Variants in INVS observed in about 807,000 individuals in gnomAD.
INVS encodes the protein inversin, also known as inversion of embryo turning homolog.
Under a neutral mutation model 108.8 loss-of-function variants are expected in INVS, and 86 were observed. The ratio of observed to expected loss-of-function variants is 0.79; its 90% CI spans 0.66 to 0.95. The LOEUF (loss-of-function observed/expected upper bound fraction) is 0.95. INVS is among the 40% of genes least tolerant of loss of function. INVS has a pLI of 0.00. For missense variants in INVS, 1,169 were observed against 1,297.4 expected, an observed-to-expected ratio of 0.90 and a Z score of 1.52; for synonymous variants, 455 against 473.5, an observed-to-expected ratio of 0.96 and a Z score of 0.51.
intron 7 of INVS, among the ~76,000 whole-genome samples, chr9:100,245,148 C>G (rs1259611086): frequency 6.6e-6 from 1 of 152,144 alleles, no homozygotes; most frequent in Non-Finnish European, 1.5e-5. Context: ...TTTCTATGAT[C>G]TTTCTAAAGT....
At chr9:100,267,369 T>C (rs1249833464) in intron 11 of INVS, among the ~76,000 whole-genome samples, 2 of 152,248 alleles carry the variant, frequency 1.3e-5, no homozygotes, top group African/African-American at 4.8e-5. Context: ...ATCAGCAATG[T>C]ACCTTGATGT....
intron 10 of INVS, among the ~76,000 whole-genome samples, chr9:100,262,430 C>T (rs762782118): frequency 5.9e-5 from 9 of 151,766 alleles, no homozygotes; most frequent in Non-Finnish European, 1.2e-4. Flanking sequence ...ATTTTTCTTT[C>T]AGCTTGGTAA....
chr9:100,186,303 C>T (rs769992067), intron 3 of INVS, among the ~76,000 whole-genome samples: 4 of 152,136 alleles, frequency 2.6e-5, no homozygotes, highest in Non-Finnish European at 4.4e-5. Flanking sequence ...GCACCCACCA[C>T]CACGCCTGGC....
intron 6 of INVS, 97 bp downstream of exon 6, chr9:100,240,337 A>G (rs1213400852): frequency 1.2e-6 from 1 of 845,184 alleles, no homozygotes; most frequent in Non-Finnish European, 2.0e-6. Context: ...CTCCTAGTTA[A>G]TTATTTTGAT....
chr9:100,276,537 GTC>G (rs1833119268), intron 12 of INVS, among the ~76,000 whole-genome samples: 1 of 152,004 alleles, frequency 6.6e-6, no homozygotes, highest in Admixed American at 6.6e-5. Context: ...TTGAGACAGA[GTC>G]TTTCTGTCAT....
intron 3 of INVS, among the ~76,000 whole-genome samples, chr9:100,173,162 T>C (rs1401946336): frequency 1.3e-5 from 2 of 152,186 alleles, no homozygotes; most frequent in African/African-American, 4.8e-5. Context: ...GTAGCTCCTA[T>C]TGGATCAGCC....
At chr9:100,291,461 TGA>T (rs148249754) in intron 13 of INVS, among the ~76,000 whole-genome samples, 2,068 of 152,332 alleles carry the variant, frequency 0.014, 33 homozygotes, top group African/African-American at 0.048. Context: ...GCTAACGTTT[TGA>T]GAGATCTGAT....
At chr9:100,127,798 A>G (rs537522333) in intron 3 of INVS, among the ~76,000 whole-genome samples, 26 of 152,246 alleles carry the variant, frequency 1.7e-4, no homozygotes, top group Non-Finnish European at 3.4e-4. Flanking sequence ...TAATTTTTTT[A>G]AAAATCTCCC....
intron 14 of INVS, among the ~76,000 whole-genome samples, chr9:100,296,243 T>G (rs758342274): frequency 5.9e-5 from 9 of 152,206 alleles, no homozygotes; most frequent in Non-Finnish European, 1.3e-4. Context: ...AAATAGTTGT[T>G]GTGCTCAGTA....
intron 13 of INVS, among the ~76,000 whole-genome samples, chr9:100,289,071 T>TTCCTTCATTTTATTTGTTTTC (rs1385529472): frequency 6.6e-6 from 1 of 152,200 alleles, no homozygotes; most frequent in Non-Finnish European, 1.5e-5. Flanking sequence ...GGAGCAGTTT[T>TTCCTTCATTTTATTTGTTTTC]TCCTTCATTT....
intron 3 of INVS, among the ~76,000 whole-genome samples, chr9:100,222,100 A>G (rs887033491): frequency 6.6e-6 from 1 of 152,174 alleles, no homozygotes; most frequent in African/African-American, 2.4e-5. Context: ...TCACTAGCTG[A>G]ACTGTGTATA....
chr9:100,106,545 A>G (rs769545942), intron 2 of INVS, among the ~76,000 whole-genome samples: 2 of 152,192 alleles, frequency 1.3e-5, no homozygotes, highest in African/African-American at 4.8e-5. Flanking sequence ...AGTATATTTC[A>G]TTCTCATAAT....
At chr9:100,117,920 T>C (rs563025044) in intron 2 of INVS, among the ~76,000 whole-genome samples, 117 of 152,186 alleles carry the variant, frequency 7.7e-4, no homozygotes, top group African/African-American at 2.5e-3. Flanking sequence ...CTCTTTTTCA[T>C]GTGAGGATAT....
At chr9:100,231,198 C>T (rs1190235847) in intron 5 of INVS, among the ~76,000 whole-genome samples, 1 of 152,104 alleles carries the variant, frequency 6.6e-6, no homozygotes, top group Non-Finnish European at 1.5e-5. Context: ...TTGTTTTTAA[C>T]ACACAAATTA....
chr9:100,261,486 C>T (rs1303080284), intron 10 of INVS, among the ~76,000 whole-genome samples: 1 of 151,988 alleles, frequency 6.6e-6, no homozygotes, highest in African/African-American at 2.4e-5. Flanking sequence ...CCAGGATGGT[C>T]TCGATCTCCT....
At position 100,187,525 on chromosome 9, in the gene INVS, CT is replaced by C. The variant is rs34728274; in HGVS notation, c.274-38518del. The stretch of plus-strand genomic sequence containing the variant: ...CATTTGTTTGTATCATCTATGATTT[CT>C]TTTTTTTTTTTTTTTTTTGAGACAA... On this transcript the variant is annotated intron_variant, in intron 3 of 16. Transcript: ENST00000262457. Among the ~76,000 whole-genome samples, 708 of 105,538 alleles carry C rather than the reference CT, an allele frequency of 6.7e-3. 14 individuals are homozygous for C. The highest frequency in any genetic ancestry group is 0.027 in the African/African-American group (603 of 22,738). The allele number at this position is 105,538 out of a possible 152,430, so 69.2% of individuals were successfully genotyped here.
At chr9:100,224,098 G>C (rs940850428) in intron 3 of INVS, among the ~76,000 whole-genome samples, 1 of 152,168 alleles carries the variant, frequency 6.6e-6, no homozygotes, top group East Asian at 1.9e-4. Context: ...GAAAGTTTAA[G>C]AATTTTGTTG....
intron 4 of INVS, among the ~76,000 whole-genome samples, chr9:100,228,981 C>T (rs985873163): frequency 2.6e-5 from 4 of 152,124 alleles, no homozygotes; most frequent in East Asian, 1.9e-4. Flanking sequence ...GTACTTTTTC[C>T]GTCTTAACTA....
chr9:100,136,096 A>G (rs1023066176), intron 3 of INVS, among the ~76,000 whole-genome samples: 1 of 152,168 alleles, frequency 6.6e-6, no homozygotes, highest in African/African-American at 2.4e-5. Context: ...ATATGATAAG[A>G]ATTAAAAGGC....
Sources: allele counts gnomAD v4.1 joint callset (sites outside exome capture counted in the v4.1 genomes callset), GRCh38; gene constraint gnomAD v4.1.1; transcripts MANE v1.5; gene names NCBI Gene and HGNC (gene_info 2026-07-23, HGNC 2026-07-21).